The following UBP1 variants were observed in gnomAD, a reference collection of about 807,000 sequenced individuals.
UBP1 encodes upstream-binding protein 1.
A neutral mutation model predicts 76.1 loss-of-function variants in UBP1; 22 were observed. The observed-to-expected ratio is 0.29, with a 90% CI of 0.21 to 0.41. UBP1 has a LOEUF of 0.41. Ranked by LOEUF, UBP1 falls within the 10% of genes least tolerant of loss-of-function variation. The pLI is 1.00. For synonymous variants in UBP1, 224 were observed against 237.1 expected (o/e 0.94, Z 0.51); for missense variants, 436 against 668.1 (o/e 0.65, Z 3.83).
intron 3 of UBP1, 129 bp from the exon 4 acceptor site, chr3:33,412,956 G>A: frequency 1.8e-6 from 1 of 564,380 alleles, no homozygotes; most frequent in East Asian, 2.8e-5. Context: ...TAAACATTCT[G>A]TAAGTGAACT....
At position 33,411,575 on chromosome 3, in the gene UBP1, C is replaced by T; in HGVS notation, c.555+6G>A. The T allele has an allele frequency of 6.2e-7, 1 of 1,613,516 alleles. No individual in the cohort carries two copies. The highest frequency in any genetic ancestry group is 8.5e-7 in the Non-Finnish European group (1 of 1,179,542). On this transcript the variant is annotated splice_donor_region_variant and intron_variant, in intron 5 of 15. Coordinates refer to ENST00000283629, the MANE Select transcript of UBP1 (RefSeq NM_014517.5). ...AGTAAGCTTCTAATAATGTAAAAAT[C>T]CAAACCTGAATGAAAGCAGAGGTGC...
intron 2 of UBP1, among the ~76,000 whole-genome samples, chr3:33,418,275 AG>A (rs369238367): frequency 8.3e-4 from 127 of 152,218 alleles, no homozygotes; most frequent in African/African-American, 2.9e-3. Context: ...TTATTTTGAC[AG>A]GGAGCTTCGT....
intron 3 of UBP1, among the ~76,000 whole-genome samples, chr3:33,416,270 G>A (rs1479129367): frequency 6.6e-6 from 1 of 152,192 alleles, no homozygotes; most frequent in Non-Finnish European, 1.5e-5. Flanking sequence ...GAGGGGCCAG[G>A]GGGCAGGGAT....
At chr3:33,390,392 T>C in intron 15 of UBP1, 24 bp from the exon 16 acceptor site, 2 of 1,614,004 alleles carry the variant, frequency 1.2e-6, no homozygotes, top group Middle Eastern at 1.6e-4. Flanking sequence ...AAAGACAGTA[T>C]TTCTTCAGTC....
chr3:33,431,076 A>G (rs2154059703), intron 1 of UBP1, among the ~76,000 whole-genome samples: 1 of 152,294 alleles, frequency 6.6e-6, no homozygotes, highest in Non-Finnish European at 1.5e-5. Flanking sequence ...AGCAAAAAGA[A>G]CTTCTAGAAC....
intron 1 of UBP1, among the ~76,000 whole-genome samples, chr3:33,428,859 C>G (rs1259763434): frequency 6.6e-6 from 1 of 150,960 alleles, no homozygotes; most frequent in African/African-American, 2.4e-5. Flanking sequence ...CCCCTCTTCT[C>G]GTCACCCTCA....
intron 1 of UBP1, among the ~76,000 whole-genome samples, chr3:33,433,375 A>T (rs1258626513): frequency 2.0e-5 from 3 of 150,710 alleles, no homozygotes; most frequent in Non-Finnish European, 4.4e-5. Flanking sequence ...TAAAAAAAAA[A>T]AAAAAAAAAA....
At position 33,433,583 on chromosome 3, in the gene UBP1, G is replaced by C. The variant is rs184876496; in HGVS notation, c.113+6153C>G. Among the ~76,000 whole-genome samples the C allele has an allele frequency of 4.6e-5, 7 of 151,820 alleles. No individual in the cohort carries two copies. In the East Asian group the frequency reaches 1.4e-3, roughly 30 times the overall value. On this transcript the variant is annotated intron_variant, in intron 1 of 15. Coordinates refer to ENST00000283629, the MANE Select transcript of UBP1 (RefSeq NM_014517.5). ...CAGGAGAATCACTTGAACCTGGGAG[G>C]TGGAGGTTGCGGTGAGCTGAGACAG...
In UBP1 at chr3:33,439,983, C is replaced by T; in HGVS notation, c.-135G>A. 1.1e-6 allele frequency: 1 copy of T among 899,848 alleles called. No homozygotes were observed. The highest frequency in any genetic ancestry group is 1.6e-6 in the Non-Finnish European group (1 of 621,362). The allele number at this position is 899,848 out of a possible 1,614,324, so 55.7% of individuals were successfully genotyped here. On this transcript the variant is annotated 5_prime_UTR_variant, in exon 1 of 16. Transcript: ENST00000283629. Reference sequence around the variant, plus strand: ...GGCGGCGAGTGGTCACCAGCGGCGGCCGGGACGAGAGCTGCGGGGGCCCCA... The same window carrying T: ...GGCGGCGAGTGGTCACCAGCGGCGGTCGGGACGAGAGCTGCGGGGGCCCCA...
At chr3:33,410,207 C>T (rs534117462) in intron 5 of UBP1, among the ~76,000 whole-genome samples, 2 of 152,360 alleles carry the variant, frequency 1.3e-5, no homozygotes, top group South Asian at 2.1e-4. Context: ...TCTTCCACCA[C>T]TCCTGCCCTG....
At chr3:33,394,725 C>T (rs1017590125) in intron 13 of UBP1, among the ~76,000 whole-genome samples, 1 of 151,640 alleles carries the variant, frequency 6.6e-6, no homozygotes, top group African/African-American at 2.4e-5. Context: ...ATAAAAGAAG[C>T]TGGAACTAAA....
chr3:33,417,240 A>G (rs1376832147), intron 2 of UBP1, among the ~76,000 whole-genome samples: 1 of 152,134 alleles, frequency 6.6e-6, no homozygotes, highest in Non-Finnish European at 1.5e-5. Context: ...GTTTTAGAAC[A>G]CTCGCATCAT....
Position 33,400,207 on chromosome 3 carries a change from G to A in UBP1, c.1162C>T (p.Leu388=). 6.3e-7 allele frequency: 1 copy of A among 1,598,848 alleles called. No individual in the cohort carries two copies. The highest frequency in any genetic ancestry group is 8.5e-7 in the Non-Finnish European group (1 of 1,175,132). Residue 388 remains leucine (L), a synonymous_variant, in exon 11 of 16, where the codon CTG becomes TTG. Transcript: ENST00000283629. ...CACATACCTGAAAAATTAGAGAACA[G>A]TCTTGTGTAGGAAGAGAATCTGTTT... ...LKNRFSSYTR[L]FSNFSGADLL...
At chr3:33,416,278 G>C (rs1247006947) in intron 3 of UBP1, among the ~76,000 whole-genome samples, 1 of 152,176 alleles carries the variant, frequency 6.6e-6, no homozygotes, top group Non-Finnish European at 1.5e-5. Flanking sequence ...AGGGGGCAGG[G>C]ATGGTTCTGA....
rs769657149 is a variant in UBP1 at position 33,408,848 on chromosome 3, A to T, written c.820-51T>A. ...CAATGTCTTTTCATTATACAAAGAA[A>T]GATCTAACACCCTGTTTCATGTCTC... On this transcript the variant is annotated intron_variant, in intron 7 of 15. Transcript: ENST00000283629. 2.6e-5 allele frequency: 37 copies of T among 1,437,406 alleles called. No homozygotes were observed. The East Asian group carries it at 7.7e-4, about 30-fold the overall frequency. 89.0% of individuals were successfully genotyped at this position (1,437,406 alleles called of 1,614,324 possible). A position where few individuals can be genotyped will look rare whatever the true frequency, so the allele number is the denominator to read the frequency against.
chr3:33,388,516 G>A lies in UBP1; in HGVS notation c.*1815C>T, dbSNP rs542388102. 2.0e-5 allele frequency: 3 copies of A among 152,620 alleles called. No homozygotes were observed. Among genetic ancestry groups the A allele is most frequent in the Admixed American group, 1.3e-4 (2 of 15,290 alleles). 9.5% of individuals were successfully genotyped at this position (152,620 alleles called of 1,614,324 possible). On this transcript the variant is annotated 3_prime_UTR_variant, in exon 16 of 16. Transcript: ENST00000283629. ...ATAAGCATCTAAGTATTTTTACCCC[G>A]CTTCTAAAACCTGATGAGGAATTCA... is the stretch of plus-strand genomic sequence containing the variant.
chr3:33,405,996 A>G (rs1258531674), intron 8 of UBP1, among the ~76,000 whole-genome samples: 1 of 152,248 alleles, frequency 6.6e-6, no homozygotes, highest in African/African-American at 2.4e-5. Flanking sequence ...TACTTCTATT[A>G]TCAGTCAGCT....
rs758988240 is a variant in UBP1 at position 33,396,198 on chromosome 3, T to C, written c.1354A>G (p.Ser452Gly). 1.3e-6 allele frequency: 2 copies of C among 1,595,450 alleles called. No individual in the cohort carries two copies. The highest frequency in any genetic ancestry group is 1.7e-6 in the Non-Finnish European group (2 of 1,164,980). The change falls in exon 13 of 16, where the codon AGC becomes GGC. Residue 452 changes from serine (S) to glycine (G), a missense_variant. Physicochemically the swap from Ser to Gly is moderately conservative, Grantham distance 56. Transcript: ENST00000283629. ...TVLQGQQQAA[S>G]SASENGSGAP... ...CCACTGCCATTCTCGCTTGCACTGC[T>C]TGCAGCTTGCTGCTGCCCTTGCAGC...
intron 1 of UBP1, among the ~76,000 whole-genome samples, chr3:33,428,181 C>CAAAAAAAA (rs59049122): frequency 4.7e-4 from 27 of 57,196 alleles, no homozygotes; most frequent in East Asian, 1.0e-3. Context: ...GATTCCATCT[C>CAAAAAAAA]AAAAAAAAAA....
Sources: allele counts gnomAD v4.1 joint callset (sites outside exome capture counted in the v4.1 genomes callset), GRCh38; gene constraint gnomAD v4.1.1; transcripts MANE v1.5; gene names NCBI Gene and HGNC (gene_info 2026-07-23, HGNC 2026-07-21).